The following PDE4D variants were observed in gnomAD, a reference collection of about 807,000 sequenced individuals.
PDE4D encodes phosphodiesterase 4D, also known as 3',5'-cyclic-AMP phosphodiesterase 4D.
Under a neutral mutation model 87.4 loss-of-function variants are expected in PDE4D, and 24 were observed. The ratio of observed to expected loss-of-function variants is 0.27; its 90% confidence interval spans 0.20 to 0.39. The LOEUF (loss-of-function observed/expected upper bound fraction) is 0.39. Ranked by LOEUF, PDE4D falls within the 10% of genes least tolerant of loss-of-function variation. The probability of loss-of-function intolerance (pLI) is 1.00; values close to 1 mark genes in which losing one functional copy is unlikely to be tolerated. For missense variants in PDE4D, 714 were observed against 1,041.0 expected (o/e 0.69, Z 4.32); for synonymous variants, 384 against 383.2 (o/e 1.00, Z -0.02).
At chr5:59,712,173 C>G (rs1211556176) in intron 1 of PDE4D, among the ~76,000 whole-genome samples, 1 of 151,686 alleles carries the variant, frequency 6.6e-6, no homozygotes, top group Admixed American at 6.6e-5. Flanking sequence ...TAACATCAAA[C>G]AAAGTTATCC....
intron 3 of PDE4D, among the ~76,000 whole-genome samples, chr5:59,186,666 G>A (rs890725043): frequency 2.0e-5 from 3 of 152,154 alleles, no homozygotes; most frequent in African/African-American, 4.8e-5. Context: ...AGTCAATGGA[G>A]AGCTGTGTAC....
chr5:59,025,927 T>G (rs1756145706), intron 6 of PDE4D, among the ~76,000 whole-genome samples: 1 of 152,190 alleles, frequency 6.6e-6, no homozygotes, highest in African/African-American at 2.4e-5. Context: ...TGCTTGTCAG[T>G]AATAAAAGCC....
chr5:59,816,421 T>G lies in PDE4D; in HGVS notation c.455+76747A>C, dbSNP rs114570983. On this transcript the variant is annotated intron_variant, in intron 1 of 14. Transcript: ENST00000340635. ...CGCTCAACAAGTACTTCCTACTTTGTGCTATGCTCTTGGGAAAAAAAATGA... is the reference window on the plus strand; with the variant it reads ...CGCTCAACAAGTACTTCCTACTTTGGGCTATGCTCTTGGGAAAAAAAATGA... 3.4e-3 allele frequency among the ~76,000 whole-genome samples: 515 copies of G among 152,316 alleles called. 3 individuals are homozygous for G. Among genetic ancestry groups the G allele is most frequent in the South Asian group, 0.024 (118 of 4,820 alleles).
chr5:59,458,308 T>C (rs1253471428), intron 1 of PDE4D, among the ~76,000 whole-genome samples: 1 of 152,242 alleles, frequency 6.6e-6, no homozygotes, highest in East Asian at 1.9e-4. Context: ...AAGCCTTCAA[T>C]ACATATTTGG....
intron 1 of PDE4D, among the ~76,000 whole-genome samples, chr5:59,506,457 G>T (rs561200768): frequency 2.0e-5 from 3 of 152,178 alleles, no homozygotes; most frequent in Admixed American, 1.3e-4. Context: ...TAATCAACAG[G>T]TATATAGTTT....
At chr5:60,175,559 T>C (rs1263721682) in intron 2 of PDE4D, among the ~76,000 whole-genome samples, 2 of 152,154 alleles carry the variant, frequency 1.3e-5, no homozygotes, top group Admixed American at 6.5e-5. Flanking sequence ...GAGGAATAGA[T>C]TGTGAAATGG....
At chr5:59,740,386 G>A (rs771840184) in intron 1 of PDE4D, among the ~76,000 whole-genome samples, 5 of 152,098 alleles carry the variant, frequency 3.3e-5, no homozygotes, top group Non-Finnish European at 5.9e-5. Flanking sequence ...GGAAAAGAGT[G>A]TGGAAAAGGA....
intron 1 of PDE4D, among the ~76,000 whole-genome samples, chr5:59,889,912 T>TA (rs1468502454): frequency 3.9e-5 from 6 of 152,194 alleles, no homozygotes; most frequent in Admixed American, 2.0e-4. Context: ...ACACTTTATA[T>TA]AAAAAATTTA....
chr5:60,013,082 A>G (rs1454375251), intron 2 of PDE4D, among the ~76,000 whole-genome samples: 1 of 152,068 alleles, frequency 6.6e-6, no homozygotes, highest in African/African-American at 2.4e-5. Context: ...CTCTGACTCC[A>G]TAAGCTTCTA....
chr5:59,672,961 G>C (rs1298298556), intron 1 of PDE4D, among the ~76,000 whole-genome samples: 1 of 152,106 alleles, frequency 6.6e-6, no homozygotes, highest in African/African-American at 2.4e-5. Flanking sequence ...CTACATCCAT[G>C]TTTTTCCATC....
intron 3 of PDE4D, among the ~76,000 whole-genome samples, chr5:59,942,254 A>G (rs1247732479): frequency 6.6e-6 from 1 of 152,182 alleles, no homozygotes; most frequent in Non-Finnish European, 1.5e-5. Context: ...CACTAGTTTT[A>G]CTGGGGAGTG....
At chr5:59,083,333 T>C (rs1767103456) in intron 5 of PDE4D, among the ~76,000 whole-genome samples, 1 of 152,104 alleles carries the variant, frequency 6.6e-6, no homozygotes, top group Non-Finnish European at 1.5e-5. Context: ...TATGTATCCT[T>C]TTTTCCTTGT....
At chr5:59,114,178 T>G (rs1024535204) in intron 5 of PDE4D, among the ~76,000 whole-genome samples, 1 of 152,174 alleles carries the variant, frequency 6.6e-6, no homozygotes, top group Non-Finnish European at 1.5e-5. Flanking sequence ...AAAATTTTTT[T>G]TTTGTTAAAT....
chr5:59,118,498 G>T (rs1429975063), intron 5 of PDE4D, among the ~76,000 whole-genome samples: 1 of 152,082 alleles, frequency 6.6e-6, no homozygotes, highest in African/African-American at 2.4e-5. Context: ...ATTTATATAA[G>T]GTAGGTCTGC....
chr5:59,831,422 G>A (rs550974844), intron 1 of PDE4D, among the ~76,000 whole-genome samples: 4 of 151,658 alleles, frequency 2.6e-5, no homozygotes, highest in African/African-American at 9.7e-5. Flanking sequence ...GAAAGAATGG[G>A]TTATTTTTAA....
chr5:59,789,584 T>C (rs1352996861), intron 1 of PDE4D, among the ~76,000 whole-genome samples: 1 of 152,228 alleles, frequency 6.6e-6, no homozygotes, highest in Non-Finnish European at 1.5e-5. Flanking sequence ...TAATTAGTCA[T>C]TATATTCCCA....
At chr5:59,157,302 C>T (rs1249118760) in intron 5 of PDE4D, 2 of 702,174 alleles carry the variant, frequency 2.8e-6, no homozygotes, top group East Asian at 2.7e-5. Context: ...AAATCATCTG[C>T]CAGGGTCACA....
chr5:58,986,164 G>A (rs774931927), intron 11 of PDE4D, among the ~76,000 whole-genome samples: 7 of 152,200 alleles, frequency 4.6e-5, no homozygotes, highest in Admixed American at 3.9e-4. Flanking sequence ...AATTTGCAGC[G>A]GCAGGATTAG....
chr5:59,737,717 T>A (rs990063207), intron 1 of PDE4D, among the ~76,000 whole-genome samples: 4 of 152,094 alleles, frequency 2.6e-5, no homozygotes, highest in Admixed American at 1.3e-4. Context: ...TTTAATATTA[T>A]TTTTATATAT....
Sources: gnomAD v4.1 joint callset for allele counts (sites outside exome capture counted in the v4.1 genomes callset) on GRCh38, gnomAD v4.1.1 for gene constraint, MANE v1.5 for transcripts, NCBI Gene and HGNC (gene_info 2026-07-23, HGNC 2026-07-21) for gene names.